Variants in SLC17A1 observed in about 807,000 individuals in gnomAD.
SLC17A1 encodes sodium-dependent phosphate transport protein 1.
A neutral mutation model predicts 53.5 loss-of-function variants in SLC17A1; 51 were observed. The ratio of observed to expected loss-of-function variants is 0.95; its 90% CI spans 0.76 to 1.20. SLC17A1 has a LOEUF of 1.20. Among genes scored for constraint, SLC17A1 ranks in the 50% most tolerant of loss-of-function variants. The pLI, the probability that SLC17A1 is intolerant of heterozygous loss-of-function variation, is 0.00. For missense variants in SLC17A1, 538 were observed against 568.2 expected (o/e 0.95, Z 0.54); for synonymous variants, 179 against 198.8 (o/e 0.90, Z 0.84).
the SLC17A1 span, among the ~76,000 whole-genome samples, chr6:25,738,708 G>C: frequency 6.6e-6 from 1 of 152,060 alleles, no homozygotes; most frequent in East Asian, 1.9e-4. Context: ...AACTATCCCA[G>C]TAAAAAATGA....
the SLC17A1 span, among the ~76,000 whole-genome samples, chr6:25,765,308 T>C: frequency 6.6e-6 from 1 of 152,244 alleles, no homozygotes; most frequent in South Asian, 2.1e-4. Context: ...TCTTTATGTA[T>C]TAATTCATTG....
chr6:25,776,103 T>C, the SLC17A1 span, among the ~76,000 whole-genome samples: 6 of 152,078 alleles, frequency 3.9e-5, no homozygotes, highest in Non-Finnish European at 8.8e-5. Context: ...GCACCAGTAA[T>C]ATTTGTGAGA....
rs1191914796 is a variant in SLC17A1, at chr6:25,813,011, A to G, written c.736-19T>C. 6.2e-7 allele frequency: 1 copy of G among 1,613,702 alleles called. No individual in the cohort carries two copies. The highest frequency in any genetic ancestry group is 8.5e-7 in the Non-Finnish European group (1 of 1,179,762). ...AACTGACCTGGAGAGAAATTCATTA[A>G]GAATTAGCACATTAGAACAAACTGG... On this transcript the variant is annotated intron_variant, in intron 7 of 12. Coordinates refer to ENST00000244527, the MANE Select transcript of SLC17A1 (RefSeq NM_005074.5).
At chr6:25,726,552 A>C in the SLC17A1 span, 1 of 1,589,344 alleles carries the variant, frequency 6.3e-7, no homozygotes, top group Non-Finnish European at 8.6e-7. Context: ...TTGCAGCAAC[A>C]CGAGAACCAC....
chr6:25,764,989 C>T, the SLC17A1 span, among the ~76,000 whole-genome samples: 1 of 152,300 alleles, frequency 6.6e-6, no homozygotes, highest in South Asian at 2.1e-4. Flanking sequence ...TCCTCCTCCC[C>T]ACCCCTGCCA....
At chr6:25,726,058 G>T in the SLC17A1 span, 2 of 1,351,088 alleles carry the variant, frequency 1.5e-6, no homozygotes. Context: ...CTTTTTCTGA[G>T]ACGGTAGGTG....
At chr6:25,822,214 G>A (rs1050046706) in intron 3 of SLC17A1, among the ~76,000 whole-genome samples, 2 of 152,006 alleles carry the variant, frequency 1.3e-5, no homozygotes, top group South Asian at 2.1e-4. Flanking sequence ...TGTCTGTTCC[G>A]TGTTTTTCTT....
the SLC17A1 span, among the ~76,000 whole-genome samples, chr6:25,764,945 A>G: frequency 6.6e-6 from 1 of 152,238 alleles, no homozygotes; most frequent in Admixed American, 6.5e-5. Context: ...TACAGTAGTT[A>G]GCTTCCCTTG....
chr6:25,812,883 G>C lies in SLC17A1; in HGVS notation c.845C>G (p.Thr282Arg). The part of the protein sequence containing the change: ...FTFFWSHNIM[T>R]LYTPMFINSM... ...GTTGATAAACATTGGAGTGTATAGT[G>C]TCATGATGTTATGTGACCAGAAAAA... is the stretch of plus-strand genomic sequence containing the variant. Residue 282 changes from threonine (T) to arginine (R), a missense_variant, in exon 8 of 13, where the codon ACA becomes AGA. Thr to Arg is a moderately conservative substitution (Grantham distance 71). Transcript: ENST00000244527. The C allele has an allele frequency of 6.2e-7, 1 of 1,612,918 alleles. No individual in the cohort carries two copies. Among genetic ancestry groups the C allele is most frequent in the Non-Finnish European group, 8.5e-7 (1 of 1,178,922 alleles).
the SLC17A1 span, among the ~76,000 whole-genome samples, chr6:25,740,246 T>C: frequency 5.3e-5 from 8 of 152,228 alleles, no homozygotes; most frequent in East Asian, 1.5e-3. Context: ...AGGAACTGAC[T>C]GACATAAGGG....
the SLC17A1 span, chr6:25,726,207 T>G: frequency 1.9e-6 from 3 of 1,608,738 alleles, no homozygotes; most frequent in East Asian, 2.2e-5. Flanking sequence ...TAGGCAGGAC[T>G]CCGCCCTGGG....
At chr6:25,769,910 T>C in the SLC17A1 span, among the ~76,000 whole-genome samples, 1 of 152,166 alleles carries the variant, frequency 6.6e-6, no homozygotes, top group East Asian at 1.9e-4. Flanking sequence ...TGGGCATATA[T>C]TTAGGGTTTT....
At chr6:25,800,065 C>T (rs1329932056) in intron 11 of SLC17A1, among the ~76,000 whole-genome samples, 1 of 152,166 alleles carries the variant, frequency 6.6e-6, no homozygotes, top group Non-Finnish European at 1.5e-5. Flanking sequence ...TATCTACACA[C>T]TACCATTCCT....
the SLC17A1 span, among the ~76,000 whole-genome samples, chr6:25,733,157 T>C: frequency 6.6e-6 from 1 of 152,144 alleles, no homozygotes; most frequent in African/African-American, 2.4e-5. Flanking sequence ...GCAGTGATTA[T>C]AGCAGGCTCC....
chr6:25,793,516 C>A (rs1011265410), intron 12 of SLC17A1, among the ~76,000 whole-genome samples: 1 of 152,070 alleles, frequency 6.6e-6, no homozygotes, highest in African/African-American at 2.4e-5. Flanking sequence ...ATTTCATGTT[C>A]TTTTTAGTAT....
chr6:25,764,714 C>A, the SLC17A1 span, among the ~76,000 whole-genome samples: 207 of 151,864 alleles, frequency 1.4e-3, no homozygotes, highest in African/African-American at 4.8e-3. Flanking sequence ...ACCCCATGAG[C>A]CCCTCAAGGG....
the SLC17A1 span, chr6:25,727,413 T>TTC: frequency 2.3e-6 from 2 of 867,698 alleles, no homozygotes; most frequent in East Asian, 5.7e-5. Context: ...TTTTTTTTTT[T>TTC]GAGGCGGAGT....
At chr6:25,798,458 AC>A (rs1763652832) in intron 12 of SLC17A1, 1 of 207,846 alleles carries the variant, frequency 4.8e-6, no homozygotes, top group African/African-American at 2.3e-5. Flanking sequence ...CTTGCTCCCA[AC>A]CTTTTTCACT....
At position 25,812,879 on chromosome 6, in the gene SLC17A1, T is replaced by A; in HGVS notation, c.849A>T (p.Leu283=). ...TGGAGTTGATAAACATTGGAGTGTA[T>A]AGTGTCATGATGTTATGTGACCAGA... ...TFFWSHNIMT[L]YTPMFINSML... Residue 283 remains leucine (L), a synonymous_variant, in exon 8 of 13, where the codon CTA becomes CTT. Transcript: ENST00000244527. The A allele has an allele frequency of 3.1e-6, 5 of 1,612,944 alleles. No homozygotes were observed. The highest frequency in any genetic ancestry group is 4.2e-6 in the Non-Finnish European group (5 of 1,178,950).
Sources: allele counts gnomAD v4.1 joint callset (sites outside exome capture counted in the v4.1 genomes callset), GRCh38; gene constraint gnomAD v4.1.1; transcripts MANE v1.5; gene names NCBI Gene and HGNC (gene_info 2026-07-23, HGNC 2026-07-21).